Variants in MACROD2 observed in about 807,000 individuals in gnomAD.
MACROD2 encodes mono-ADP ribosylhydrolase 2.
In MACROD2, 36 loss-of-function variants were observed where a neutral mutation model predicts 70.4. That is an observed-to-expected ratio of 0.51 (90% CI 0.39 to 0.68). The LOEUF is 0.68. Among genes scored for constraint, MACROD2 ranks in the 30% least tolerant of loss-of-function variants. The probability of loss-of-function intolerance (pLI) is 0.00; values close to 1 mark genes in which losing one functional copy is unlikely to be tolerated. For synonymous variants in MACROD2, 172 were observed against 178.8 expected (o/e 0.96, Z 0.30); for missense variants, 496 against 538.4 (o/e 0.92, Z 0.78).
chr20:14,536,020 G>A (rs2085359730), intron 4 of MACROD2, among the ~76,000 whole-genome samples: 1 of 151,972 alleles, frequency 6.6e-6, no homozygotes, highest in African/African-American at 2.4e-5. Context: ...AATGTATCAT[G>A]GTTTGACAAA....
chr20:14,461,969 G>A (rs1305684711), intron 3 of MACROD2, among the ~76,000 whole-genome samples: 2 of 151,984 alleles, frequency 1.3e-5, no homozygotes, highest in African/African-American at 4.8e-5. Flanking sequence ...TGTCTTTATA[G>A]CAGCATGATT....
chr20:15,949,943 C>A (rs2065882104), intron 12 of MACROD2, among the ~76,000 whole-genome samples: 1 of 152,090 alleles, frequency 6.6e-6, no homozygotes. Context: ...ATCATAATAT[C>A]TCTGACTCAT....
At chr20:15,754,683 C>CTT (rs536927554) in intron 8 of MACROD2, among the ~76,000 whole-genome samples, 10,256 of 132,656 alleles carry the variant, frequency 0.077, 514 homozygotes, top group African/African-American at 0.14. Context: ...TCTATTCAAT[C>CTT]TTTTTTTTTT....
At chr20:15,782,612 A>G (rs772786480) in intron 8 of MACROD2, among the ~76,000 whole-genome samples, 6 of 151,210 alleles carry the variant, frequency 4.0e-5, no homozygotes, top group Non-Finnish European at 5.9e-5. Context: ...CAAAAGCCCT[A>G]TAACCATTTT....
intron 14 of MACROD2, 86 bp from the exon 15 acceptor site, chr20:15,986,980 C>T: frequency 1.6e-6 from 2 of 1,287,500 alleles, no homozygotes; most frequent in Non-Finnish European, 1.1e-6. Flanking sequence ...AAAAAGAACT[C>T]TAACTTTCTA....
chr20:15,847,002 A>C (rs2064240296), intron 8 of MACROD2, among the ~76,000 whole-genome samples: 1 of 138,284 alleles, frequency 7.2e-6, no homozygotes, highest in Non-Finnish European at 1.6e-5. Flanking sequence ...AACTAGGTAC[A>C]TTTTAAATAA....
Position 14,486,513 on chromosome 20 carries a change from C to CTTTTTTTTTTTTTTTTTTTTTTTTTTT in MACROD2, c.272-6961_272-6960insTTTTTTTTTTTTTTTTTTTTTTTTTTT. Reference sequence around the variant, plus strand: ...GAGCTATCTGGCATAAAATAGCCAACTTTTTATTTTATTTTTTTTTTTTGA... The same window carrying CTTTTTTTTTTTTTTTTTTTTTTTTTTT: ...GAGCTATCTGGCATAAAATAGCCAACTTTTTTTTTTTTTTTTTTTTTTTTTTTTTTTTATTTTATTTTTTTTTTTTGA... On this transcript the variant is annotated intron_variant, in intron 3 of 17. Coordinates refer to ENST00000684519, the MANE Select transcript of MACROD2 (RefSeq NM_001351661.2). 2.1e-5 allele frequency among the ~76,000 whole-genome samples: 2 copies of CTTTTTTTTTTTTTTTTTTTTTTTTTTT among 97,064 alleles called. 1 individual carries two copies. Among genetic ancestry groups the CTTTTTTTTTTTTTTTTTTTTTTTTTTT allele is most frequent in the Non-Finnish European group, 3.8e-5 (2 of 52,610 alleles). 63.7% of individuals were successfully genotyped at this position (97,064 alleles called of 152,430 possible). A position where few individuals can be genotyped will look rare whatever the true frequency, so the allele number is the denominator to read the frequency against.
chr20:15,525,563 C>G (rs1240306989), intron 8 of MACROD2, among the ~76,000 whole-genome samples: 3 of 152,178 alleles, frequency 2.0e-5, no homozygotes, highest in Admixed American at 6.5e-5. Flanking sequence ...GAACCCAAAG[C>G]AATTGAATGC....
intron 6 of MACROD2, among the ~76,000 whole-genome samples, chr20:15,284,196 C>T (rs2077471446): frequency 6.6e-6 from 1 of 152,052 alleles, no homozygotes; most frequent in African/African-American, 2.4e-5. Flanking sequence ...TCTGTGCTTT[C>T]TCTCATTCTC....
intron 3 of MACROD2, among the ~76,000 whole-genome samples, chr20:14,294,954 A>G (rs2082414835): frequency 6.6e-6 from 1 of 151,634 alleles, no homozygotes; most frequent in Non-Finnish European, 1.5e-5. Flanking sequence ...CAGAAACACT[A>G]CTTCTGTGTC....
intron 4 of MACROD2, among the ~76,000 whole-genome samples, chr20:14,577,331 A>G (rs575966592): frequency 9.2e-5 from 14 of 152,372 alleles, no homozygotes; most frequent in African/African-American, 3.1e-4. Context: ...ATCTAAACAT[A>G]CGTATCAATA....
intron 7 of MACROD2, among the ~76,000 whole-genome samples, chr20:15,478,194 T>C (rs528532384): frequency 3.3e-5 from 5 of 152,338 alleles, no homozygotes; most frequent in Non-Finnish European, 5.9e-5. Context: ...GGTTCATTTT[T>C]CTGAGAAACC....
intron 9 of MACROD2, among the ~76,000 whole-genome samples, chr20:15,875,749 T>A (rs2147190033): frequency 6.6e-6 from 1 of 152,016 alleles, no homozygotes; most frequent in African/African-American, 2.4e-5. Flanking sequence ...TAAGCAGAGT[T>A]TGATCTCATT....
At chr20:15,313,874 A>G (rs944739886) in intron 6 of MACROD2, among the ~76,000 whole-genome samples, 2 of 152,170 alleles carry the variant, frequency 1.3e-5, no homozygotes, top group African/African-American at 4.8e-5. Flanking sequence ...TTTCAAAAAT[A>G]TTTTTTATTT....
chr20:14,402,243 A>G (rs1472973995), intron 3 of MACROD2, among the ~76,000 whole-genome samples: 2 of 152,232 alleles, frequency 1.3e-5, no homozygotes, highest in Non-Finnish European at 2.9e-5. Context: ...TTGTTTTCTA[A>G]AACACTTAAG....
chr20:15,727,847 G>T (rs567143102), intron 8 of MACROD2, among the ~76,000 whole-genome samples: 1 of 152,144 alleles, frequency 6.6e-6, no homozygotes, highest in Non-Finnish European at 1.5e-5. Flanking sequence ...GGGTTTTCTA[G>T]GTATAGAGTC....
intron 3 of MACROD2, among the ~76,000 whole-genome samples, chr20:14,116,552 T>C (rs2054515921): frequency 6.6e-6 from 1 of 152,198 alleles, no homozygotes; most frequent in African/African-American, 2.4e-5. Context: ...TTTTTTTCTT[T>C]TTATTTAAAA....
intron 6 of MACROD2, among the ~76,000 whole-genome samples, chr20:15,393,732 G>A (rs2045823740): frequency 2.0e-5 from 3 of 152,150 alleles, no homozygotes; most frequent in Admixed American, 6.5e-5. Context: ...TCTTAGCTCA[G>A]AGTATAAGGT....
At chr20:15,214,448 G>A (rs1387345492) in intron 5 of MACROD2, among the ~76,000 whole-genome samples, 1 of 152,158 alleles carries the variant, frequency 6.6e-6, no homozygotes, top group Non-Finnish European at 1.5e-5. Context: ...AGCACTTTGG[G>A]AGGCCGAGAT....
Sources: gnomAD v4.1 joint callset for allele counts (sites outside exome capture counted in the v4.1 genomes callset) on GRCh38, gnomAD v4.1.1 for gene constraint, MANE v1.5 for transcripts, NCBI Gene and HGNC (gene_info 2026-07-23, HGNC 2026-07-21) for gene names.